Variants in PTPRD observed in about 807,000 individuals in gnomAD.
The protein encoded by PTPRD is receptor-type tyrosine-protein phosphatase delta.
A neutral mutation model predicts 214.5 loss-of-function variants in PTPRD; 34 were observed. The ratio of observed to expected loss-of-function variants is 0.16; its 90% CI spans 0.12 to 0.21. The LOEUF is 0.21. Among genes scored for constraint, PTPRD ranks in the 10% least tolerant of loss-of-function variants. PTPRD has a pLI of 1.00. For synonymous variants in PTPRD, 1,128 were observed against 845.7 expected (o/e 1.33, Z -5.79); for missense variants, 2,545 against 2,398.7 (o/e 1.06, Z -1.27).
intron 11 of PTPRD, among the ~76,000 whole-genome samples, chr9:8,977,974 C>A (rs1422111754): frequency 6.6e-6 from 1 of 151,996 alleles, no homozygotes; most frequent in Non-Finnish European, 1.5e-5. Flanking sequence ...CTTTTACATG[C>A]ATAAATGCCT....
chr9:10,042,855 A>G (rs1332371866), intron 3 of PTPRD, among the ~76,000 whole-genome samples: 1 of 152,018 alleles, frequency 6.6e-6, no homozygotes, highest in Non-Finnish European at 1.5e-5. Flanking sequence ...AAATGGAAAG[A>G]AAATTTCCAG....
At chr9:8,532,199 C>T (rs918106663) in intron 14 of PTPRD, among the ~76,000 whole-genome samples, 3 of 151,982 alleles carry the variant, frequency 2.0e-5, no homozygotes, top group Non-Finnish European at 4.4e-5. Flanking sequence ...AGCTGTTACA[C>T]GTTGACAGTT....
intron 3 of PTPRD, among the ~76,000 whole-genome samples, chr9:10,254,021 AC>A (rs530981706): frequency 2.2e-3 from 329 of 152,330 alleles, no homozygotes; most frequent in African/African-American, 7.6e-3. Context: ...GAAAATAATA[AC>A]ACATTTCCCC....
At chr9:10,035,147 A>C (rs1219747446) in intron 3 of PTPRD, among the ~76,000 whole-genome samples, 1 of 152,074 alleles carries the variant, frequency 6.6e-6, no homozygotes, top group African/African-American at 2.4e-5. Context: ...AGCCATTTTG[A>C]CTAGTGTGAG....
chr9:10,249,690 A>C (rs994431090), intron 3 of PTPRD, among the ~76,000 whole-genome samples: 9 of 152,172 alleles, frequency 5.9e-5, no homozygotes, highest in Admixed American at 1.3e-4. Context: ...AATGTTAAGG[A>C]ATTTCTTTCT....
At chr9:10,499,621 G>C (rs1757842681) in intron 2 of PTPRD, among the ~76,000 whole-genome samples, 1 of 151,858 alleles carries the variant, frequency 6.6e-6, no homozygotes, top group African/African-American at 2.4e-5. Flanking sequence ...ATATGAACTT[G>C]TTTCTAAATT....
chr9:9,166,694 A>T (rs1191950189), intron 10 of PTPRD, among the ~76,000 whole-genome samples: 1 of 152,176 alleles, frequency 6.6e-6, no homozygotes, highest in Non-Finnish European at 1.5e-5. Flanking sequence ...TTGAAAGGAC[A>T]CAGATTATGA....
intron 44 of PTPRD, among the ~76,000 whole-genome samples, chr9:8,331,377 AT>A (rs1275690581): frequency 1.3e-5 from 2 of 150,584 alleles, no homozygotes; most frequent in South Asian, 4.2e-4. Context: ...GGGGATAAAC[AT>A]TTTTTTGGGG....
intron 5 of PTPRD, among the ~76,000 whole-genome samples, chr9:9,783,062 A>T (rs575629351): frequency 6.6e-6 from 1 of 152,272 alleles, no homozygotes; most frequent in South Asian, 2.1e-4. Context: ...TATCTTGTTT[A>T]AATTCTTCCA....
intron 44 of PTPRD, among the ~76,000 whole-genome samples, chr9:8,326,216 T>G (rs774126020): frequency 1.3e-5 from 2 of 152,222 alleles, no homozygotes; most frequent in Non-Finnish European, 2.9e-5. Context: ...TTGTCATAAA[T>G]AGCTCTTCTT....
chr9:10,458,839 C>A (rs1200318043), intron 2 of PTPRD, among the ~76,000 whole-genome samples: 4 of 152,086 alleles, frequency 2.6e-5, no homozygotes, highest in Non-Finnish European at 4.4e-5. Flanking sequence ...AATAAAGTTG[C>A]AGAATATAAA....
In PTPRD at chr9:8,527,483, T is replaced by C. The variant is rs1592816473; in HGVS notation, c.542-130A>G. 1.5e-5 allele frequency: 12 copies of C among 809,462 alleles called. No homozygotes were observed. In the East Asian group the frequency reaches 3.2e-4, roughly 22 times the overall value. The allele number at this position is 809,462 out of a possible 1,614,324, so 50.1% of individuals were successfully genotyped here. On this transcript the variant is annotated intron_variant, in intron 15 of 45. Coordinates refer to ENST00000381196, the MANE Select transcript of PTPRD (RefSeq NM_002839.4). Reference sequence around the variant, plus strand: ...ATCTATGTTACATGTGAATAATTAATTCTTCATTTACAATAACAGAATGCT... The same window carrying C: ...ATCTATGTTACATGTGAATAATTAACTCTTCATTTACAATAACAGAATGCT...
At chr9:9,313,806 T>C (rs1443107207) in intron 9 of PTPRD, among the ~76,000 whole-genome samples, 1 of 152,200 alleles carries the variant, frequency 6.6e-6, no homozygotes, top group Non-Finnish European at 1.5e-5. Flanking sequence ...ATGGTGCTTA[T>C]GGCACTTTAG....
At chr9:10,086,499 T>C (rs1481815452) in intron 3 of PTPRD, among the ~76,000 whole-genome samples, 1 of 151,838 alleles carries the variant, frequency 6.6e-6, no homozygotes, top group Admixed American at 6.6e-5. Flanking sequence ...TCACATTAGA[T>C]AGGTCTGTGC....
At chr9:9,663,936 A>G (rs2096666215) in intron 7 of PTPRD, among the ~76,000 whole-genome samples, 1 of 151,446 alleles carries the variant, frequency 6.6e-6, no homozygotes, top group African/African-American at 2.4e-5. Flanking sequence ...ATAAAGTTTT[A>G]GAAACTCTTT....
chr9:10,036,514 A>G (rs1439608243), intron 3 of PTPRD, among the ~76,000 whole-genome samples: 2 of 142,158 alleles, frequency 1.4e-5, no homozygotes, highest in East Asian at 5.2e-4. Context: ...ATGCACACAC[A>G]CACACACACA....
At chr9:10,411,012 A>G (rs1323507) in intron 2 of PTPRD, among the ~76,000 whole-genome samples, 3,898 of 151,860 alleles carry the variant, frequency 0.026, 106 homozygotes, top group East Asian at 0.094. Flanking sequence ...AGAAAATTTG[A>G]GTCAGGCACT....
At position 9,584,301 on chromosome 9, in the gene PTPRD, C is replaced by A. The variant is rs183855170; in HGVS notation, c.-286-9520G>T. On this transcript the variant is annotated intron_variant, in intron 7 of 45. Transcript: ENST00000381196. ...TTTAGATGATGCTTCATAAACCCTA[C>A]CAACCTTTTAATTTTTGGAAAAGAA... 4.6e-5 allele frequency among the ~76,000 whole-genome samples: 7 copies of A among 151,668 alleles called. 1 individual carries two copies. The East Asian group carries it at 1.4e-3, about 29-fold the overall frequency.
intron 12 of PTPRD, among the ~76,000 whole-genome samples, chr9:8,645,325 C>A (rs750153075): frequency 1.3e-5 from 2 of 152,174 alleles, no homozygotes; most frequent in Admixed American, 6.5e-5. Context: ...AAACAAATCA[C>A]CCAAATTCCA....
Sources: gnomAD v4.1 joint callset for allele counts (sites outside exome capture counted in the v4.1 genomes callset) on GRCh38, gnomAD v4.1.1 for gene constraint, MANE v1.5 for transcripts, NCBI Gene and HGNC (gene_info 2026-07-23, HGNC 2026-07-21) for gene names.